KCNH1: variants seen among roughly 807,000 people sequenced by gnomAD.
KCNH1 encodes voltage-gated delayed rectifier potassium channel KCNH1.
A neutral mutation model predicts 69.2 loss-of-function variants in KCNH1; 27 were observed. That is an observed-to-expected ratio of 0.39 (90% confidence interval 0.29 to 0.54). KCNH1 has a LOEUF of 0.54. Ranked by LOEUF, KCNH1 falls within the 20% of genes least tolerant of loss-of-function variation. The probability of loss-of-function intolerance (pLI) is 0.68; values close to 1 mark genes in which losing one functional copy is unlikely to be tolerated. For synonymous variants in KCNH1, 456 were observed against 487.7 expected (o/e 0.93, Z 0.86); for missense variants, 798 against 1,261.6 (o/e 0.63, Z 5.57).
intron 3 of KCNH1, among the ~76,000 whole-genome samples, chr1:211,093,093 A>T (rs746008076): frequency 3.3e-5 from 5 of 152,110 alleles, no homozygotes; most frequent in Admixed American, 3.3e-4. Flanking sequence ...CTCCCCTCCC[A>T]GCTGCAGCCC....
At chr1:210,823,037 G>A (rs994933033) in intron 7 of KCNH1, among the ~76,000 whole-genome samples, 9 of 152,066 alleles carry the variant, frequency 5.9e-5, no homozygotes, top group African/African-American at 2.2e-4. Flanking sequence ...TTTACTCCCT[G>A]TATTACACAA....
chr1:211,003,536 T>A (rs1297834003), intron 6 of KCNH1, among the ~76,000 whole-genome samples: 2 of 152,180 alleles, frequency 1.3e-5, no homozygotes, highest in Non-Finnish European at 2.9e-5. Context: ...TATCCCCTGC[T>A]GTTTCGTTAT....
intron 7 of KCNH1, among the ~76,000 whole-genome samples, chr1:210,810,408 A>T (rs951106468): frequency 2.0e-5 from 3 of 152,078 alleles, no homozygotes; most frequent in African/African-American, 7.2e-5. Context: ...AAACCCTTTC[A>T]ATCTGGAAAT....
At chr1:210,738,740 G>GTT (rs1454295442) in intron 10 of KCNH1, among the ~76,000 whole-genome samples, 1 of 151,270 alleles carries the variant, frequency 6.6e-6, no homozygotes, top group Non-Finnish European at 1.5e-5. Flanking sequence ...GCTAATTTTT[G>GTT]TATTTTTTTG....
At chr1:210,815,028 T>G (rs924563284) in intron 7 of KCNH1, among the ~76,000 whole-genome samples, 3 of 152,180 alleles carry the variant, frequency 2.0e-5, no homozygotes, top group Admixed American at 6.5e-5. Flanking sequence ...TCTGGTTCAA[T>G]GATCCAAGGG....
At chr1:210,855,266 A>G (rs544809187) in intron 7 of KCNH1, among the ~76,000 whole-genome samples, 1 of 152,174 alleles carries the variant, frequency 6.6e-6, no homozygotes, top group Non-Finnish European at 1.5e-5. Context: ...TAAGACACTC[A>G]CTCTCTCACA....
chr1:210,982,226 T>C (rs1688724869), intron 6 of KCNH1, among the ~76,000 whole-genome samples: 1 of 150,836 alleles, frequency 6.6e-6, no homozygotes. Flanking sequence ...ATACTTTTAT[T>C]ATTATTATTA....
At chr1:210,786,093 C>T (rs992298270) in intron 9 of KCNH1, among the ~76,000 whole-genome samples, 2 of 152,176 alleles carry the variant, frequency 1.3e-5, no homozygotes, top group African/African-American at 4.8e-5. Flanking sequence ...CCCCTGAACC[C>T]AATACCCATC....
chr1:210,842,789 A>G (rs1685438543), intron 7 of KCNH1, among the ~76,000 whole-genome samples: 1 of 152,170 alleles, frequency 6.6e-6, no homozygotes, highest in Non-Finnish European at 1.5e-5. Flanking sequence ...CTGGCCTTCT[A>G]TAACAAACCC....
At chr1:211,040,505 T>G (rs1460368416) in intron 5 of KCNH1, among the ~76,000 whole-genome samples, 1 of 152,212 alleles carries the variant, frequency 6.6e-6, no homozygotes, top group Non-Finnish European at 1.5e-5. Context: ...TAGTAAGAAG[T>G]GCCTCTCACT....
At chr1:211,054,598 GA>G (rs1482498738) in intron 5 of KCNH1, among the ~76,000 whole-genome samples, 1 of 151,932 alleles carries the variant, frequency 6.6e-6, no homozygotes. Flanking sequence ...TTAAAAATAA[GA>G]AAAAACTAAA....
intron 6 of KCNH1, among the ~76,000 whole-genome samples, chr1:210,954,068 A>G (rs1348203704): frequency 1.5e-5 from 2 of 131,626 alleles, no homozygotes; most frequent in African/African-American, 5.9e-5. Flanking sequence ...CCCCCATCCC[A>G]AGACAGGCCC....
intron 7 of KCNH1, among the ~76,000 whole-genome samples, chr1:210,864,647 GAAAA>G (rs1250816640): frequency 2.0e-5 from 3 of 152,172 alleles, no homozygotes; most frequent in Non-Finnish European, 4.4e-5. Context: ...GGCAGGTGGA[GAAAA>G]TTCTGGTTTT....
At chr1:211,094,339 T>C (rs565588016) in intron 3 of KCNH1, among the ~76,000 whole-genome samples, 7 of 152,306 alleles carry the variant, frequency 4.6e-5, no homozygotes, top group African/African-American at 1.2e-4. Flanking sequence ...CCTCCTGCTA[T>C]GTGGCCCAGT....
intron 8 of KCNH1, among the ~76,000 whole-genome samples, chr1:210,798,066 G>T (rs1276176853): frequency 7.0e-6 from 1 of 142,964 alleles, no homozygotes; most frequent in Non-Finnish European, 1.5e-5. Flanking sequence ...TTAAGACAGA[G>T]TCTTGCTCTG....
chr1:210,960,949 T>C (rs905069278), intron 6 of KCNH1, among the ~76,000 whole-genome samples: 1 of 152,208 alleles, frequency 6.6e-6, no homozygotes, highest in Non-Finnish European at 1.5e-5. Flanking sequence ...AATAGGTACA[T>C]AGTGGTTTCT....
intron 6 of KCNH1, among the ~76,000 whole-genome samples, chr1:210,972,093 T>A (rs922429057): frequency 5.9e-5 from 9 of 152,290 alleles, no homozygotes; most frequent in Admixed American, 5.9e-4. Flanking sequence ...CATTGGTGAA[T>A]GCTTCCTACA....
At chr1:211,021,275 A>C (rs577430464) in intron 5 of KCNH1, among the ~76,000 whole-genome samples, 1 of 152,274 alleles carries the variant, frequency 6.6e-6, no homozygotes, top group South Asian at 2.1e-4. Context: ...TCATATAACC[A>C]AACACCCACC....
At chr1:210,761,707 T>C (rs554308234) in intron 10 of KCNH1, among the ~76,000 whole-genome samples, 9 of 152,288 alleles carry the variant, frequency 5.9e-5, no homozygotes, top group Admixed American at 4.6e-4. Context: ...CTATCCCAAA[T>C]ATATATACAA....
Sources: allele counts gnomAD v4.1 joint callset (sites outside exome capture counted in the v4.1 genomes callset), GRCh38; gene constraint gnomAD v4.1.1; transcripts MANE v1.5; gene names NCBI Gene and HGNC (gene_info 2026-07-23, HGNC 2026-07-21).